Variants in ZC3H6 observed in about 807,000 individuals in gnomAD.
ZC3H6 encodes zinc finger CCCH domain-containing protein 6.
Under a neutral mutation model 107.7 loss-of-function variants are expected in ZC3H6, and 40 were observed. That is an observed-to-expected ratio of 0.37 (90% CI 0.29 to 0.48). ZC3H6 has a LOEUF of 0.48. Among genes scored for constraint, ZC3H6 ranks in the 20% least tolerant of loss-of-function variants. The pLI is 0.98. For missense variants in ZC3H6, 1,267 were observed against 1,410.4 expected (o/e 0.90, Z 1.63); for synonymous variants, 493 against 487.9 (o/e 1.01, Z -0.14).
At chr2:112,284,577 G>T (rs528583055) in intron 1 of ZC3H6, among the ~76,000 whole-genome samples, 29 of 151,298 alleles carry the variant, frequency 1.9e-4, no homozygotes, top group Non-Finnish European at 2.4e-4. Flanking sequence ...CCTGTTGCTA[G>T]ATTGTTCCTA....
At chr2:112,287,326 A>C (rs1686626526) in intron 1 of ZC3H6, among the ~76,000 whole-genome samples, 1 of 152,162 alleles carries the variant, frequency 6.6e-6, no homozygotes, top group African/African-American at 2.4e-5. Flanking sequence ...AAATATAAAA[A>C]TAATAACTTT....
intron 8 of ZC3H6, 83 bp from the exon 9 acceptor site, chr2:112,322,566 T>G: frequency 7.1e-7 from 1 of 1,416,844 alleles, no homozygotes; most frequent in Non-Finnish European, 9.4e-7. Flanking sequence ...ATTATTTTTC[T>G]ACTAACCAAA....
chr2:112,293,885 GAAACT>G (rs1333095082), intron 1 of ZC3H6, among the ~76,000 whole-genome samples: 1 of 152,130 alleles, frequency 6.6e-6, no homozygotes, highest in Non-Finnish European at 1.5e-5. Flanking sequence ...GGGTAACACT[GAAACT>G]AAACGGGACC....
chr2:112,278,957 T>TG (rs1160746167), intron 1 of ZC3H6, among the ~76,000 whole-genome samples: 3 of 152,166 alleles, frequency 2.0e-5, no homozygotes, highest in Non-Finnish European at 4.4e-5. Flanking sequence ...TGCACAAGAT[T>TG]GTTTGCCAAA....
intron 1 of ZC3H6, among the ~76,000 whole-genome samples, chr2:112,278,838 C>G (rs1356614635): frequency 6.6e-6 from 1 of 152,124 alleles, no homozygotes; most frequent in Non-Finnish European, 1.5e-5. Flanking sequence ...CTAGGCTGGT[C>G]TTGAACTCCT....
chr2:112,314,911 T>G (rs4399734), intron 5 of ZC3H6, among the ~76,000 whole-genome samples: 2 of 151,938 alleles, frequency 1.3e-5, no homozygotes, highest in Admixed American at 6.6e-5. Context: ...TCTGTTTACT[T>G]TGTATTCTTG....
chr2:112,302,939 TAG>T (rs1282100487), intron 2 of ZC3H6, among the ~76,000 whole-genome samples: 4 of 152,100 alleles, frequency 2.6e-5, no homozygotes, highest in African/African-American at 9.7e-5. Flanking sequence ...AGCTTAAATG[TAG>T]ATCATTTTAG....
At chr2:112,330,683 G>T (rs1558958411) in intron 11 of ZC3H6, among the ~76,000 whole-genome samples, 1 of 152,016 alleles carries the variant, frequency 6.6e-6, no homozygotes, top group African/African-American at 2.4e-5. Context: ...GGAAGGAAAG[G>T]TCCTGCCTTT....
At chr2:112,292,874 C>G (rs1676147927) in intron 1 of ZC3H6, among the ~76,000 whole-genome samples, 1 of 152,072 alleles carries the variant, frequency 6.6e-6, no homozygotes, top group South Asian at 2.1e-4. Flanking sequence ...TCAGACACTC[C>G]CAGGTAAGCA....
chr2:112,294,951 A>G (rs550989464), intron 1 of ZC3H6, among the ~76,000 whole-genome samples: 2 of 152,282 alleles, frequency 1.3e-5, no homozygotes, highest in South Asian at 4.1e-4. Context: ...ATTGAGATAC[A>G]TTTCACTTTT....
intron 7 of ZC3H6, among the ~76,000 whole-genome samples, chr2:112,320,123 T>G (rs1240893588): frequency 1.3e-5 from 2 of 152,146 alleles, no homozygotes; most frequent in African/African-American, 4.8e-5. Context: ...AGTAGAGATG[T>G]TGTTTCTCCA....
intron 3 of ZC3H6, among the ~76,000 whole-genome samples, chr2:112,308,352 A>G (rs955887006): frequency 1.3e-5 from 2 of 151,862 alleles, no homozygotes; most frequent in Non-Finnish European, 2.9e-5. Context: ...ATTGCATTTC[A>G]TTAAATACGT....
intron 3 of ZC3H6, among the ~76,000 whole-genome samples, chr2:112,306,129 A>G (rs1179156834): frequency 1.3e-5 from 2 of 152,002 alleles, no homozygotes; most frequent in South Asian, 2.1e-4. Context: ...TTACTTGAAA[A>G]TAGCAGACTT....
At chr2:112,315,440 A>C (rs1322951812) in intron 5 of ZC3H6, among the ~76,000 whole-genome samples, 5 of 152,148 alleles carry the variant, frequency 3.3e-5, no homozygotes, top group Non-Finnish European at 7.4e-5. Flanking sequence ...CAAAATAACC[A>C]CACACATAAA....
At chr2:112,323,051 T>G in intron 9 of ZC3H6, 149 bp downstream of exon 9, 1 of 824,832 alleles carries the variant, frequency 1.2e-6, no homozygotes, top group Non-Finnish European at 1.8e-6. Context: ...GCTTCCACCT[T>G]TGTTTTCGGT....
intron 3 of ZC3H6, among the ~76,000 whole-genome samples, chr2:112,305,489 T>C (rs1676457977): frequency 6.6e-6 from 1 of 152,230 alleles, no homozygotes; most frequent in African/African-American, 2.4e-5. Context: ...TTATTGTTAA[T>C]ATTACGCTGA....
chr2:112,294,192 G>T (rs746331395), intron 1 of ZC3H6, among the ~76,000 whole-genome samples: 1 of 152,176 alleles, frequency 6.6e-6, no homozygotes, highest in African/African-American at 2.4e-5. Context: ...CTATCGTTGG[G>T]CTTACGTAAG....
At chr2:112,307,006 G>A (rs1676488658) in intron 3 of ZC3H6, among the ~76,000 whole-genome samples, 1 of 152,112 alleles carries the variant, frequency 6.6e-6, no homozygotes, top group Non-Finnish European at 1.5e-5. Context: ...GCTGTCTGAT[G>A]TCTACAAACG....
In ZC3H6 at chr2:112,331,885, A is replaced by G; in HGVS notation, c.2967A>G (p.Ser989=). ...CTCATCAAGTGGTTATGAAGGATTCACATGCATCAAAGGGTGCCCCTCACT... is the reference window on the plus strand; with the variant it reads ...CTCATCAAGTGGTTATGAAGGATTCGCATGCATCAAAGGGTGCCCCTCACT... ...TESHQVVMKD[S]HASKGAPHLP... is the part of the protein sequence containing the mutation. Residue 989 remains serine (S), a synonymous_variant, in exon 12 of 12, where the codon TCA becomes TCG. Transcript: ENST00000409871. 1 of 1,614,000 alleles carries G rather than the reference A, an allele frequency of 6.2e-7. No individual in the cohort carries two copies. The highest frequency in any genetic ancestry group is 8.5e-7 in the Non-Finnish European group (1 of 1,179,888).
Sources: allele counts gnomAD v4.1 joint callset (sites outside exome capture counted in the v4.1 genomes callset), GRCh38; gene constraint gnomAD v4.1.1; transcripts MANE v1.5; gene names NCBI Gene and HGNC (gene_info 2026-07-23, HGNC 2026-07-21).